The following GRID2 variants were observed in gnomAD, a reference collection of about 807,000 sequenced individuals.
The protein encoded by GRID2 is glutamate receptor ionotropic, delta-2.
In GRID2, 33 loss-of-function variants were observed where a neutral mutation model predicts 114.8. The ratio of observed to expected loss-of-function variants is 0.29; its 90% confidence interval spans 0.22 to 0.38. The LOEUF is 0.38. Ranked by LOEUF, GRID2 falls within the 10% of genes least tolerant of loss-of-function variation. The probability of loss-of-function intolerance (pLI) is 1.00; values close to 1 mark genes in which losing one functional copy is unlikely to be tolerated. For synonymous variants in GRID2, 505 were observed against 449.9 expected (o/e 1.12, Z -1.55); for missense variants, 1,184 against 1,257.7 (o/e 0.94, Z 0.89).
intron 2 of GRID2, among the ~76,000 whole-genome samples, chr4:92,795,017 A>G (rs1019282814): frequency 3.1e-4 from 47 of 151,226 alleles, no homozygotes; most frequent in African/African-American, 1.1e-3. Flanking sequence ...ACTATTAATT[A>G]AGTGGTAGTG....
chr4:93,024,453 T>C (rs958985858), intron 2 of GRID2, among the ~76,000 whole-genome samples: 1 of 151,810 alleles, frequency 6.6e-6, no homozygotes, highest in Non-Finnish European at 1.5e-5. Context: ...CTTCTAGAGA[T>C]TTAAAATTTT....
intron 4 of GRID2, among the ~76,000 whole-genome samples, chr4:93,182,901 A>G (rs1422259491): frequency 6.6e-6 from 1 of 152,224 alleles, no homozygotes; most frequent in East Asian, 1.9e-4. Context: ...CTTGGGCACC[A>G]GCCCAGACCT....
chr4:93,376,537 C>CATGAACTT (rs1485721330), intron 8 of GRID2, among the ~76,000 whole-genome samples: 1 of 152,084 alleles, frequency 6.6e-6, no homozygotes, highest in African/African-American at 2.4e-5. Context: ...TCAAGATACA[C>CATGAACTT]ATGAACTCAT....
At chr4:92,763,472 T>G (rs1738116863) in intron 2 of GRID2, among the ~76,000 whole-genome samples, 1 of 152,154 alleles carries the variant, frequency 6.6e-6, no homozygotes, top group African/African-American at 2.4e-5. Context: ...TACAACAATT[T>G]AAAACAATAC....
At chr4:93,703,595 G>C (rs1370505502) in intron 14 of GRID2, among the ~76,000 whole-genome samples, 1 of 151,176 alleles carries the variant, frequency 6.6e-6, no homozygotes, top group African/African-American at 2.4e-5. Flanking sequence ...GCTGCACCCA[G>C]TAACTCGTCA....
chr4:93,692,798 G>A (rs1428889240), intron 14 of GRID2, among the ~76,000 whole-genome samples: 6 of 152,078 alleles, frequency 3.9e-5, no homozygotes, highest in Non-Finnish European at 7.4e-5. Flanking sequence ...CTGAAGGAAT[G>A]AACATGCTAT....
At chr4:92,369,715 T>G (rs1336358197) in intron 1 of GRID2, among the ~76,000 whole-genome samples, 1 of 152,186 alleles carries the variant, frequency 6.6e-6, no homozygotes, top group African/African-American at 2.4e-5. Flanking sequence ...CTTGGAAAGT[T>G]GTAGATTCTT....
At chr4:93,480,542 G>T (rs748505907) in intron 11 of GRID2, among the ~76,000 whole-genome samples, 12 of 151,902 alleles carry the variant, frequency 7.9e-5, no homozygotes, top group Non-Finnish European at 1.8e-4. Context: ...TATTTTTAGG[G>T]TCACTGTGAT....
chr4:93,725,771 T>C (rs1399944278), intron 14 of GRID2, among the ~76,000 whole-genome samples: 1 of 152,150 alleles, frequency 6.6e-6, no homozygotes, highest in Admixed American at 6.5e-5. Context: ...TTTGACTGCA[T>C]AAATGTCTTC....
intron 2 of GRID2, among the ~76,000 whole-genome samples, chr4:92,636,798 C>A (rs193282581): frequency 1.3e-5 from 2 of 152,008 alleles, no homozygotes; most frequent in African/African-American, 4.8e-5. Context: ...GTTGAACAAG[C>A]CAAGCCTGAA....
chr4:93,556,949 A>T (rs1468968150), intron 13 of GRID2, among the ~76,000 whole-genome samples: 1 of 152,196 alleles, frequency 6.6e-6, no homozygotes, highest in Non-Finnish European at 1.5e-5. Context: ...AACATTGTTA[A>T]AGAAAAGAAT....
At chr4:93,430,424 G>GC (rs1234548061) in intron 10 of GRID2, among the ~76,000 whole-genome samples, 1 of 152,126 alleles carries the variant, frequency 6.6e-6, no homozygotes, top group East Asian at 1.9e-4. Context: ...CAGGTGATCT[G>GC]CCCGCCTCAG....
intron 2 of GRID2, among the ~76,000 whole-genome samples, chr4:92,678,798 C>T (rs1196735397): frequency 6.6e-6 from 1 of 151,904 alleles, no homozygotes; most frequent in Non-Finnish European, 1.5e-5. Flanking sequence ...ATATCATTTT[C>T]ACATGCTATT....
intron 13 of GRID2, among the ~76,000 whole-genome samples, chr4:93,585,788 C>CA (rs909656755): frequency 3.6e-4 from 54 of 151,542 alleles, no homozygotes; most frequent in Middle Eastern, 3.4e-3. Context: ...TATTTTGGTA[C>CA]AAAAAAAATG....
intron 4 of GRID2, among the ~76,000 whole-genome samples, chr4:93,128,710 C>T (rs899848224): frequency 2.7e-5 from 4 of 145,560 alleles, no homozygotes; most frequent in Non-Finnish European, 6.0e-5. Context: ...GAGCCTATTT[C>T]TTAGCAAACA....
chr4:92,329,114 A>G (rs1726747656), intron 1 of GRID2, among the ~76,000 whole-genome samples: 1 of 152,038 alleles, frequency 6.6e-6, no homozygotes, highest in Non-Finnish European at 1.5e-5. Flanking sequence ...TTCCATGTCT[A>G]GCTTTCACTA....
chr4:92,814,836 G>A (rs1578227143), intron 2 of GRID2, among the ~76,000 whole-genome samples: 1 of 152,024 alleles, frequency 6.6e-6, no homozygotes. Context: ...TGTTCTATAG[G>A]AGCCAGGTAT....
intron 2 of GRID2, among the ~76,000 whole-genome samples, chr4:92,712,774 C>T (rs10856897): frequency 0.26 from 39,835 of 151,802 alleles, 5,428 homozygotes; most frequent in East Asian, 0.42. Flanking sequence ...TTCTGTGTTA[C>T]ACATTTCTTT....
chr4:93,676,749 A>G (rs1333299923), intron 14 of GRID2, among the ~76,000 whole-genome samples: 1 of 149,032 alleles, frequency 6.7e-6, no homozygotes, highest in East Asian at 1.9e-4. Context: ...AAAAAAAGAT[A>G]TTACAAAAAA....
Sources: gnomAD v4.1 joint callset for allele counts (sites outside exome capture counted in the v4.1 genomes callset) on GRCh38, gnomAD v4.1.1 for gene constraint, MANE v1.5 for transcripts, NCBI Gene and HGNC (gene_info 2026-07-23, HGNC 2026-07-21) for gene names.